PTPRG: variants seen among roughly 807,000 people sequenced by gnomAD.
The protein encoded by PTPRG is receptor-type tyrosine-protein phosphatase gamma.
In PTPRG, 102 loss-of-function variants were observed where a neutral mutation model predicts 165.3. That is an observed-to-expected ratio of 0.62 (90% CI 0.53 to 0.73). PTPRG has a LOEUF of 0.73. PTPRG is among the 30% of genes least tolerant of loss of function. The pLI is 0.00. For missense variants in PTPRG, 1,866 were observed against 1,861.4 expected (o/e 1.00, Z -0.05); for synonymous variants, 675 against 669.5 (o/e 1.01, Z -0.13).
chr3:62,092,544 G>A (rs1291901831), intron 5 of PTPRG, among the ~76,000 whole-genome samples: 2 of 151,652 alleles, frequency 1.3e-5, no homozygotes, highest in Non-Finnish European at 2.9e-5. Context: ...CATTCCTTGT[G>A]AGTCAGCTTG....
Position 62,222,628 on chromosome 3 carries a change from G to C in PTPRG, c.2288+3645G>C, listed in dbSNP as rs1384791391. On this transcript the variant is annotated intron_variant, in intron 13 of 29. Coordinates refer to ENST00000474889, the MANE Select transcript of PTPRG (RefSeq NM_002841.4). This position sits in a 1 kb window ranked among gnomAD's most constrained non-coding sequence, Gnocchi z 4.5. ...CAGTACCATTGCCATCAAAACCTTGGACTGAAGCCGAACAAGGGATGGCTT... is the reference window on the plus strand; with the variant it reads ...CAGTACCATTGCCATCAAAACCTTGCACTGAAGCCGAACAAGGGATGGCTT... 6.6e-6 allele frequency among the ~76,000 whole-genome samples: 1 copy of C among 152,150 alleles called. No individual in the cohort carries two copies. Among genetic ancestry groups the C allele is most frequent in the African/African-American group, 2.4e-5 (1 of 41,428 alleles).
At chr3:62,031,589 A>G (rs543491878) in intron 4 of PTPRG, among the ~76,000 whole-genome samples, 8 of 152,312 alleles carry the variant, frequency 5.3e-5, no homozygotes, top group African/African-American at 1.4e-4. Context: ...ATCCTGGTAG[A>G]TGACCGGGAA....
At chr3:62,065,811 T>G in intron 4 of PTPRG, among the ~76,000 whole-genome samples, 1 of 152,114 alleles carries the variant, frequency 6.6e-6, no homozygotes, top group South Asian at 2.1e-4. Context: ...GAAGAGCTCT[T>G]TTAAAGAACA....
chr3:62,289,509 G>C (rs1702793847), intron 28 of PTPRG, among the ~76,000 whole-genome samples: 1 of 152,010 alleles, frequency 6.6e-6, no homozygotes, highest in Non-Finnish European at 1.5e-5. Context: ...ACAATAAAAA[G>C]CTGTCTAATA....
chr3:62,212,523 G>A (rs1700384444), intron 12 of PTPRG, among the ~76,000 whole-genome samples: 1 of 152,110 alleles, frequency 6.6e-6, no homozygotes, highest in South Asian at 2.1e-4. Context: ...CGTTTTTGAG[G>A]CCTTTTCAAA....
At chr3:62,079,865 T>C (rs1701505980) in intron 5 of PTPRG, among the ~76,000 whole-genome samples, 1 of 152,202 alleles carries the variant, frequency 6.6e-6, no homozygotes, top group Non-Finnish European at 1.5e-5. Flanking sequence ...GCAGTGGTAA[T>C]TAAAGGACTT....
At chr3:62,025,765 A>G (rs888920182) in intron 4 of PTPRG, among the ~76,000 whole-genome samples, 3 of 152,226 alleles carry the variant, frequency 2.0e-5, no homozygotes, top group African/African-American at 7.2e-5. Context: ...GTTTGAAAAA[A>G]TTGTTTAAGT....
At chr3:62,008,781 G>A (rs112651103) in intron 4 of PTPRG, among the ~76,000 whole-genome samples, 9,853 of 152,178 alleles carry the variant, frequency 0.065, 525 homozygotes, top group African/African-American at 0.15. Flanking sequence ...TCCCTCGCAC[G>A]TGCAGTTCAC....
rs759986061 is a variant in PTPRG at position 62,282,878 on chromosome 3, C to G, written c.4055+9C>G. 9 of 1,585,908 alleles carry G rather than the reference C, an allele frequency of 5.7e-6. No individual in the cohort carries two copies. In the South Asian group the frequency reaches 8.3e-5, roughly 15 times the overall value. ...ACCATTGTTCATGATGAGTATGTAT[C>G]TGTTTCTTAATTTTAAAATGTAGAC... On this transcript the variant is annotated intron_variant, in intron 28 of 29. Transcript: ENST00000474889.
chr3:62,242,777 G>GT (rs1209387061), intron 14 of PTPRG, among the ~76,000 whole-genome samples: 3 of 152,178 alleles, frequency 2.0e-5, no homozygotes, highest in African/African-American at 7.2e-5. Context: ...GTGAAGAAAA[G>GT]TTGACTTATC....
Position 61,656,048 on chromosome 3 carries a change from C to T in PTPRG, c.86-92830C>T, listed in dbSNP as rs575845583. ...TGGGCAACATAGCAAGACCCCCCCC[C>T]CCCCGACCATCTCTAAAGAAAATAA... On this transcript the variant is annotated intron_variant, in intron 1 of 29. Coordinates refer to ENST00000474889, the MANE Select transcript of PTPRG (RefSeq NM_002841.4). Among the ~76,000 whole-genome samples the T allele has an allele frequency of 1.8e-4, 27 of 150,872 alleles. No individual in the cohort carries two copies. The South Asian group carries it at 4.5e-3, about 25-fold the overall frequency.
intron 1 of PTPRG, among the ~76,000 whole-genome samples, chr3:61,672,690 G>A (rs947292362): frequency 1.3e-5 from 2 of 150,260 alleles, no homozygotes; most frequent in African/African-American, 4.9e-5. Context: ...CTTCGGCTCG[G>A]CATCAGAGGG....
chr3:62,102,308 T>A (rs1702315967), intron 5 of PTPRG, among the ~76,000 whole-genome samples: 1 of 152,180 alleles, frequency 6.6e-6, no homozygotes, highest in South Asian at 2.1e-4. Context: ...GGAGTCTCGC[T>A]CTGTTGCCCA....
intron 1 of PTPRG, among the ~76,000 whole-genome samples, chr3:61,650,719 A>C (rs992063161): frequency 3.9e-5 from 6 of 152,322 alleles, no homozygotes; most frequent in African/African-American, 7.2e-5. Flanking sequence ...TTTATCTTAA[A>C]ATTTATTAAT....
chr3:61,663,365 CATT>C (rs1260202844), intron 1 of PTPRG, among the ~76,000 whole-genome samples: 2 of 152,086 alleles, frequency 1.3e-5, no homozygotes, highest in African/African-American at 4.8e-5. Context: ...AAATGAATAT[CATT>C]GTATAATTTT....
chr3:62,216,490 C>G (rs774977582), intron 12 of PTPRG, among the ~76,000 whole-genome samples: 1 of 152,070 alleles, frequency 6.6e-6, no homozygotes, highest in Admixed American at 6.5e-5. Flanking sequence ...ATAGCGTCAA[C>G]CCTCCCAACA....
chr3:61,978,216 A>G lies in PTPRG; in HGVS notation c.191-11409A>G, dbSNP rs117332962. 1.2e-3 allele frequency among the ~76,000 whole-genome samples: 182 copies of G among 152,314 alleles called. 3 individuals are homozygous for G. In the East Asian group the frequency reaches 0.029, roughly 24 times the overall value. On this transcript the variant is annotated intron_variant, in intron 2 of 29. Coordinates refer to ENST00000474889, the MANE Select transcript of PTPRG (RefSeq NM_002841.4). ...ACTAGAGAACTTTTACTTTTGCAGT[A>G]TGGATTGCAAATGTGTTTTGCTGGT...
chr3:62,076,615 C>G (rs1187732529), intron 4 of PTPRG, among the ~76,000 whole-genome samples: 3 of 145,510 alleles, frequency 2.1e-5, no homozygotes, highest in Non-Finnish European at 4.5e-5. Flanking sequence ...GAGTTTTGCT[C>G]TTGTTGCCCA....
chr3:62,035,233 A>G (rs952942859), intron 4 of PTPRG, among the ~76,000 whole-genome samples: 1 of 152,118 alleles, frequency 6.6e-6, no homozygotes, highest in Non-Finnish European at 1.5e-5. Flanking sequence ...AGAAAGTAAC[A>G]TGAATTCATG....
Sources: gnomAD v4.1 joint callset for allele counts (sites outside exome capture counted in the v4.1 genomes callset) on GRCh38, gnomAD v4.1.1 for gene constraint, Gnocchi (gnomAD v3.1) non-coding constraint, MANE v1.5 for transcripts, NCBI Gene and HGNC (gene_info 2026-07-23, HGNC 2026-07-21) for gene names.